The following DOCK4 variants were observed in gnomAD, a reference collection of about 807,000 sequenced individuals.
DOCK4 encodes dedicator of cytokinesis protein 4.
DOCK4 carries 97 observed loss-of-function variants against 268.1 expected under a neutral mutation model. The observed-to-expected ratio is 0.36, with a 90% confidence interval of 0.31 to 0.43. The LOEUF is 0.43. DOCK4 is among the 20% of genes least tolerant of loss of function. The probability of loss-of-function intolerance (pLI) is 1.00; values close to 1 mark genes in which losing one functional copy is unlikely to be tolerated. For missense variants in DOCK4, 2,145 were observed against 2,455.7 expected, an observed-to-expected ratio of 0.87 and a Z score of 2.67; for synonymous variants, 954 against 887.2, an observed-to-expected ratio of 1.08 and a Z score of -1.34.
At chr7:112,158,932 CCCAGCTTCATCTAAGTTACTACAAG>C (rs1210904138) in intron 1 of DOCK4, among the ~76,000 whole-genome samples, 1 of 152,142 alleles carries the variant, frequency 6.6e-6, no homozygotes, top group Non-Finnish European at 1.5e-5. Flanking sequence ...TAAAGTTCAG[CCCAGCTTCATCTAAGTTACTACAAG>C]CCAACTAAAT....
At chr7:111,970,602 C>A (rs1311106968) in intron 8 of DOCK4, among the ~76,000 whole-genome samples, 1 of 152,112 alleles carries the variant, frequency 6.6e-6, no homozygotes, top group East Asian at 1.9e-4. Flanking sequence ...GCTCTAAGAA[C>A]AATTGGCTCA....
intron 1 of DOCK4, among the ~76,000 whole-genome samples, chr7:112,204,910 A>C (rs1371018238): frequency 8.1e-6 from 1 of 123,250 alleles, no homozygotes; most frequent in Non-Finnish European, 1.9e-5. Flanking sequence ...CACACACACA[A>C]AGTACACCAG....
chr7:112,185,328 CAGA>C (rs1819409387), intron 1 of DOCK4, among the ~76,000 whole-genome samples: 1 of 152,146 alleles, frequency 6.6e-6, no homozygotes, highest in African/African-American at 2.4e-5. Context: ...AATAAGTACA[CAGA>C]AGAATAAACT....
intron 23 of DOCK4, among the ~76,000 whole-genome samples, chr7:111,858,769 G>A (rs10280604): frequency 1.3e-5 from 2 of 151,424 alleles, no homozygotes; most frequent in Admixed American, 6.6e-5. Flanking sequence ...CTTTCCTTCC[G>A]TCTTTCCTCC....
intron 1 of DOCK4, among the ~76,000 whole-genome samples, chr7:112,156,650 G>T (rs968379516): frequency 7.2e-5 from 11 of 152,264 alleles, no homozygotes; most frequent in African/African-American, 2.4e-4. Context: ...ACCCAGCATT[G>T]TTCTAGTGCT....
chr7:112,198,756 T>G (rs1324816070), intron 1 of DOCK4, among the ~76,000 whole-genome samples: 3 of 152,240 alleles, frequency 2.0e-5, no homozygotes, highest in Admixed American at 6.5e-5. Flanking sequence ...GACTGCCTCT[T>G]CTCTATAGGC....
intron 1 of DOCK4, among the ~76,000 whole-genome samples, chr7:112,014,248 G>A (rs1801614865): frequency 2.6e-5 from 4 of 152,156 alleles, no homozygotes; most frequent in Admixed American, 2.6e-4. Context: ...TTGTCACTTG[G>A]TCATTCAATT....
chr7:111,773,928 G>A (rs145987831), intron 36 of DOCK4, among the ~76,000 whole-genome samples: 2 of 151,970 alleles, frequency 1.3e-5, no homozygotes, highest in Non-Finnish European at 2.9e-5. Flanking sequence ...GAGGTGGGAG[G>A]ATCGCTTGGG....
At chr7:111,736,083 T>TA (rs1795452891) in intron 50 of DOCK4, among the ~76,000 whole-genome samples, 1 of 152,222 alleles carries the variant, frequency 6.6e-6, no homozygotes, top group Non-Finnish European at 1.5e-5. Context: ...ATTTGTGTTT[T>TA]AAAATAATTT....
rs1050480048 is a variant in DOCK4, at chr7:112,128,908, C to A, written c.37+77194G>T. Among the ~76,000 whole-genome samples, 4 of 152,068 alleles carry A rather than the reference C, an allele frequency of 2.6e-5. No homozygotes were observed. The East Asian group carries it at 7.7e-4, about 29-fold the overall frequency. On this transcript the variant is annotated intron_variant, in intron 1 of 52. Transcript: ENST00000428084. ...TCTGCGAGAAACACCCAAGAATGAT[C>A]AATAAAAAATTAAAAAAAACTGATC... is the stretch of plus-strand genomic sequence containing the variant.
At chr7:111,731,682 A>G (rs139696203) in intron 52 of DOCK4, among the ~76,000 whole-genome samples, 2,347 of 152,332 alleles carry the variant, frequency 0.015, 34 homozygotes, top group Middle Eastern at 0.075. Flanking sequence ...TTTTAAATCC[A>G]TATTACTGCC....
intron 3 of DOCK4, among the ~76,000 whole-genome samples, chr7:111,999,152 A>T (rs1178773826): frequency 6.6e-6 from 1 of 152,174 alleles, no homozygotes; most frequent in Non-Finnish European, 1.5e-5. Flanking sequence ...AGAAACAACA[A>T]CAAAAAAATG....
chr7:111,828,789 A>G (rs1319824314), intron 26 of DOCK4, among the ~76,000 whole-genome samples: 1 of 151,916 alleles, frequency 6.6e-6, no homozygotes, highest in East Asian at 1.9e-4. Flanking sequence ...CAGAAGAATA[A>G]GGTAGTGGGC....
chr7:112,050,973 T>C (rs937434536), intron 1 of DOCK4, among the ~76,000 whole-genome samples: 8 of 152,166 alleles, frequency 5.3e-5, no homozygotes, highest in African/African-American at 1.7e-4. Flanking sequence ...TCTTGTGACC[T>C]GGCAGTATGG....
intron 1 of DOCK4, among the ~76,000 whole-genome samples, chr7:112,113,734 AT>A (rs57672966): frequency 8.1e-5 from 4 of 49,548 alleles, no homozygotes; most frequent in Non-Finnish European, 1.1e-4. Flanking sequence ...TACTTGGCTG[AT>A]TTTTTTTTTT....
intron 1 of DOCK4, among the ~76,000 whole-genome samples, chr7:112,051,249 T>G (rs958880674): frequency 5.9e-5 from 9 of 152,016 alleles, no homozygotes; most frequent in African/African-American, 1.9e-4. Context: ...TAATTAGAAA[T>G]GTATCAAGAC....
chr7:111,975,726 T>G lies in DOCK4; in HGVS notation c.701+1406A>C, dbSNP rs543723189. On this transcript the variant is annotated intron_variant, in intron 8 of 52. Transcript: ENST00000428084. ...ACTGTCAAGAAATAAAAAGTACACTTACTAGTAGATAACGACTAAGATATA... is the reference window on the plus strand; with the variant it reads ...ACTGTCAAGAAATAAAAAGTACACTGACTAGTAGATAACGACTAAGATATA... Among the ~76,000 whole-genome samples, 10 of 152,260 alleles carry G rather than the reference T, an allele frequency of 6.6e-5. No homozygotes were observed. In the South Asian group the frequency reaches 2.1e-3, roughly 32 times the overall value.
Position 111,984,353 on chromosome 7 carries a change from C to G in DOCK4, c.502G>C (p.Ala168Pro). ...CTGATGTCTTCCGGATCCACCATTG[C>G]GTACTCTTTCCTAGGCACCAGGTCC... Reference protein sequence around the residue: ...GLDLVPRKEYAMVDPEDISIT... With the variant: ...GLDLVPRKEYPMVDPEDISIT... Residue 168 changes from alanine (A) to proline (P), a missense_variant, in exon 7 of 53, where the codon GCA becomes CCA. By Grantham distance (27) the Ala-to-Pro change is conservative. Coordinates refer to ENST00000428084, the MANE Select transcript of DOCK4 (RefSeq NM_001363540.2). The G allele has an allele frequency of 6.2e-7, 1 of 1,613,318 alleles. No individual in the cohort carries two copies. Among genetic ancestry groups the G allele is most frequent in the Non-Finnish European group, 8.5e-7 (1 of 1,179,610 alleles).
chr7:111,728,673 T>C lies in DOCK4; in HGVS notation c.5529A>G (p.Pro1843=). Reference sequence around the variant, plus strand: ...AGACAGGGGAGTTGGAGATGAGTCCTGGCGAGTGGTACTCCACTGGAGAGG... The same window carrying C: ...AGACAGGGGAGTTGGAGATGAGTCCCGGCGAGTGGTACTCCACTGGAGAGG... The part of the protein sequence containing the change: ...FTPSPVEYHS[P]GLISNSPVLS... Residue 1843 remains proline (P), a synonymous_variant, in exon 53 of 53, where the codon CCA becomes CCG. Coordinates refer to ENST00000428084, the MANE Select transcript of DOCK4 (RefSeq NM_001363540.2). The C allele has an allele frequency of 6.2e-7, 1 of 1,613,814 alleles. No homozygotes were observed. The highest frequency in any genetic ancestry group is 2.2e-5 in the East Asian group (1 of 44,868).
Sources: allele counts gnomAD v4.1 joint callset (sites outside exome capture counted in the v4.1 genomes callset), GRCh38; gene constraint gnomAD v4.1.1; transcripts MANE v1.5; gene names NCBI Gene and HGNC (gene_info 2026-07-23, HGNC 2026-07-21).